WDR41: variants seen among roughly 807,000 people sequenced by gnomAD.
WDR41 encodes WD repeat-containing protein 41.
Under a neutral mutation model 69.3 loss-of-function variants are expected in WDR41, and 63 were observed. The ratio of observed to expected loss-of-function variants is 0.91; its 90% confidence interval spans 0.74 to 1.12. The LOEUF is 1.12. Among genes scored for constraint, WDR41 ranks in the 50% most tolerant of loss-of-function variants. The probability of loss-of-function intolerance (pLI) is 0.00; values close to 1 mark genes in which losing one functional copy is unlikely to be tolerated. For missense variants in WDR41, 543 were observed against 534.5 expected, an observed-to-expected ratio of 1.02 and a Z score of -0.16; for synonymous variants, 185 against 192.1, an observed-to-expected ratio of 0.96 and a Z score of 0.31.
intron 1 of WDR41, among the ~76,000 whole-genome samples, chr5:77,522,631 T>C (rs931808301): frequency 6.6e-6 from 1 of 151,688 alleles, no homozygotes; most frequent in Non-Finnish European, 1.5e-5. Context: ...AGAGCGAGAC[T>C]CTGTCTCAAA....
At chr5:77,458,929 G>A in intron 5 of WDR41, 133 bp downstream of exon 5, 1 of 582,264 alleles carries the variant, frequency 1.7e-6, no homozygotes, top group Non-Finnish European at 3.0e-6. Flanking sequence ...CTTACACGAA[G>A]CAAATGACTA....
chr5:77,511,751 G>A (rs1005837278), intron 1 of WDR41, among the ~76,000 whole-genome samples: 5 of 151,952 alleles, frequency 3.3e-5, no homozygotes, highest in Middle Eastern at 3.2e-3. Flanking sequence ...GAGCTTAATT[G>A]CTGTATCTTT....
intron 1 of WDR41, among the ~76,000 whole-genome samples, chr5:77,535,577 C>T (rs1742958742): frequency 6.6e-6 from 1 of 152,164 alleles, no homozygotes; most frequent in Non-Finnish European, 1.5e-5. Flanking sequence ...AAGTAGTTCT[C>T]ATAGTGGTTA....
chr5:77,508,316 G>T (rs1026171148), intron 1 of WDR41, among the ~76,000 whole-genome samples: 8 of 152,010 alleles, frequency 5.3e-5, no homozygotes, highest in Non-Finnish European at 1.0e-4. Flanking sequence ...TTTCTCCATT[G>T]TTGCCCAGAC....
At chr5:77,581,195 C>A (rs191860907) in intron 1 of WDR41, among the ~76,000 whole-genome samples, 102 of 151,998 alleles carry the variant, frequency 6.7e-4, no homozygotes, top group African/African-American at 2.3e-3. Flanking sequence ...CACTTAAAAA[C>A]TGAATAACAG....
intron 1 of WDR41, among the ~76,000 whole-genome samples, chr5:77,571,799 G>A (rs10514106): frequency 0.33 from 49,486 of 152,052 alleles, 9,232 homozygotes; most frequent in African/African-American, 0.49. Context: ...CCAGGAGCAA[G>A]TGTCAACCGT....
intron 1 of WDR41, among the ~76,000 whole-genome samples, chr5:77,614,068 G>T (rs1215898319): frequency 1.3e-5 from 2 of 152,168 alleles, no homozygotes; most frequent in African/African-American, 2.4e-5. Context: ...CTGGCCATCA[G>T]AGAAATGCAA....
Position 77,433,222 on chromosome 5 carries a change from C to A in WDR41, c.1293G>T (p.Trp431Cys). The A allele has an allele frequency of 6.2e-7, 1 of 1,613,954 alleles. No homozygotes were observed. The highest frequency in any genetic ancestry group is 8.5e-7 in the Non-Finnish European group (1 of 1,179,914). The stretch of plus-strand genomic sequence containing the variant: ...ATCCAGATTCTCGCTCTCCATTTTT[C>A]CACAAAATAATGAGATGATCAGCGG... ...TCSADHLIILWKNGERESGLR... is the reference protein window; with the variant it reads ...TCSADHLIILCKNGERESGLR... The change falls in exon 13 of 13, where the codon TGG becomes TGT. Residue 431 changes from tryptophan (W) to cysteine (C), a missense_variant. By Grantham distance (215) the Trp-to-Cys change is radical (BLOSUM62 -2). Transcript: ENST00000296679.
At chr5:77,460,980 A>G (rs1474212108) in intron 4 of WDR41, among the ~76,000 whole-genome samples, 2 of 152,140 alleles carry the variant, frequency 1.3e-5, no homozygotes, top group African/African-American at 4.8e-5. Context: ...TTTTTCTAAC[A>G]ACAAAAATCA....
intron 5 of WDR41, among the ~76,000 whole-genome samples, chr5:77,455,304 A>G (rs1467485814): frequency 6.6e-6 from 1 of 152,056 alleles, no homozygotes; most frequent in Non-Finnish European, 1.5e-5. Context: ...TCTTTCTTTC[A>G]AATCTTGTCT....
intron 1 of WDR41, among the ~76,000 whole-genome samples, chr5:77,505,127 C>T (rs1427081279): frequency 4.6e-5 from 7 of 152,164 alleles, no homozygotes; most frequent in Non-Finnish European, 5.9e-5. Flanking sequence ...TAGAAAACCC[C>T]ATCGTCTCCA....
rs142387508 is a variant in WDR41 at position 77,437,390 on chromosome 5, G to C, written c.1039C>G (p.Arg347Gly). The C allele has an allele frequency of 6.2e-7, 1 of 1,613,880 alleles. No homozygotes were observed. The highest frequency in any genetic ancestry group is 8.5e-7 in the Non-Finnish European group (1 of 1,179,886). The change falls in exon 11 of 13, where the codon CGC becomes GGC. Residue 347 changes from arginine (R) to glycine (G), a missense_variant. Coordinates refer to ENST00000296679, the MANE Select transcript of WDR41 (RefSeq NM_018268.4). ...TGTTTTTCTCTTAACTCCCAAATGC[G>C]TACACTGCCATCTTCTGAGCATGAG... ...LISCSEDGSV[R>G]IWELREKQQL...
chr5:77,452,985 C>G (rs1355404479), intron 6 of WDR41: 2 of 152,106 alleles, frequency 1.3e-5, no homozygotes, highest in Non-Finnish European at 2.9e-5. Flanking sequence ...GAAATATATT[C>G]TAGATTTGAG....
chr5:77,471,146 G>A (rs1346795833), intron 2 of WDR41, among the ~76,000 whole-genome samples: 1 of 152,148 alleles, frequency 6.6e-6, no homozygotes, highest in East Asian at 1.9e-4. Flanking sequence ...TCAACTACAT[G>A]GAAACTGAAC....
At chr5:77,531,560 C>T (rs1027168897) in intron 1 of WDR41, among the ~76,000 whole-genome samples, 2 of 151,856 alleles carry the variant, frequency 1.3e-5, no homozygotes, top group African/African-American at 4.8e-5. Flanking sequence ...TGGGAATGTT[C>T]AGCTGCTGTG....
At chr5:77,552,197 A>G (rs536708655) in intron 1 of WDR41, among the ~76,000 whole-genome samples, 100 of 151,528 alleles carry the variant, frequency 6.6e-4, no homozygotes, top group African/African-American at 2.3e-3. Flanking sequence ...ATCTAAATAT[A>G]TTAGTAATTT....
chr5:77,604,952 T>C (rs775903816), intron 1 of WDR41, among the ~76,000 whole-genome samples: 4 of 152,182 alleles, frequency 2.6e-5, no homozygotes, highest in Non-Finnish European at 5.9e-5. Context: ...TGGTTCTTAA[T>C]GCATTTTTTA....
At chr5:77,604,445 T>C (rs932664672) in intron 1 of WDR41, among the ~76,000 whole-genome samples, 3 of 152,238 alleles carry the variant, frequency 2.0e-5, no homozygotes, top group Non-Finnish European at 2.9e-5. Flanking sequence ...TCTGAAAATA[T>C]AGTCTTTCAA....
intron 1 of WDR41, among the ~76,000 whole-genome samples, chr5:77,503,884 G>C (rs1013566088): frequency 2.6e-5 from 4 of 152,160 alleles, no homozygotes; most frequent in Non-Finnish European, 5.9e-5. Context: ...GCAGTGTGTA[G>C]AGGGAAATTT....
Sources: gnomAD v4.1 joint callset for allele counts (sites outside exome capture counted in the v4.1 genomes callset) on GRCh38, gnomAD v4.1.1 for gene constraint, MANE v1.5 for transcripts, NCBI Gene and HGNC (gene_info 2026-07-23, HGNC 2026-07-21) for gene names.